EPHA6: variants seen among roughly 807,000 people sequenced by gnomAD.
EPHA6 encodes ephrin type-A receptor 6.
A neutral mutation model predicts 112.0 loss-of-function variants in EPHA6; 50 were observed. That is an observed-to-expected ratio of 0.45 (90% CI 0.36 to 0.56). EPHA6 has a LOEUF of 0.56. Ranked by LOEUF, EPHA6 falls within the 20% of genes least tolerant of loss-of-function variation. EPHA6 has a pLI of 0.00. For synonymous variants in EPHA6, 529 were observed against 490.7 expected (o/e 1.08, Z -1.03); for missense variants, 1,280 against 1,417.4 (o/e 0.90, Z 1.56).
intron 11 of EPHA6, among the ~76,000 whole-genome samples, chr3:97,543,212 G>T (rs1213047161): frequency 6.6e-6 from 1 of 152,250 alleles, no homozygotes; most frequent in East Asian, 1.9e-4. Flanking sequence ...TTCTTCTAGG[G>T]TTTTTATGGT....
At chr3:97,635,748 G>A (rs2093939355) in intron 13 of EPHA6, among the ~76,000 whole-genome samples, 1 of 151,998 alleles carries the variant, frequency 6.6e-6, no homozygotes, top group South Asian at 2.1e-4. Context: ...GTACAACTCC[G>A]TGAATAAGGT....
intron 5 of EPHA6, among the ~76,000 whole-genome samples, chr3:97,403,023 GATATA>G (rs1248883756): frequency 1.3e-5 from 2 of 152,032 alleles, no homozygotes; most frequent in Non-Finnish European, 2.9e-5. Flanking sequence ...AAATTGGAAA[GATATA>G]ATGAGTTTAT....
At chr3:97,532,260 CATT>C (rs2092703916) in intron 10 of EPHA6, 95 bp from the exon 11 acceptor site, 1 of 1,013,144 alleles carries the variant, frequency 9.9e-7, no homozygotes. Flanking sequence ...ACTTAAGAGT[CATT>C]ATGTGAAAAA....
At chr3:97,233,222 A>G (rs1200186519) in intron 4 of EPHA6, among the ~76,000 whole-genome samples, 1 of 151,838 alleles carries the variant, frequency 6.6e-6, no homozygotes, top group Non-Finnish European at 1.5e-5. Context: ...ATGTCTGCCT[A>G]GCTGCCTACT....
chr3:96,998,883 C>G (rs60564030), intron 3 of EPHA6, among the ~76,000 whole-genome samples: 26,109 of 151,720 alleles, frequency 0.17, 2,511 homozygotes, highest in Non-Finnish European at 0.22. Context: ...GCAATAATTT[C>G]CAGGTTTAGA....
intron 16 of EPHA6, among the ~76,000 whole-genome samples, chr3:97,736,805 A>G (rs1248149637): frequency 2.0e-5 from 3 of 152,036 alleles, no homozygotes; most frequent in East Asian, 1.9e-4. Flanking sequence ...ACTATCATCT[A>G]TGTCTGAAAA....
intron 10 of EPHA6, among the ~76,000 whole-genome samples, chr3:97,505,262 C>A (rs548608846): frequency 3.3e-5 from 5 of 152,228 alleles, no homozygotes; most frequent in Non-Finnish European, 7.3e-5. Context: ...CATATGTATA[C>A]ATGTGCTGTG....
At chr3:97,006,800 G>T (rs1321384827) in intron 3 of EPHA6, among the ~76,000 whole-genome samples, 1 of 152,096 alleles carries the variant, frequency 6.6e-6, no homozygotes. Flanking sequence ...ATTCTGGTAT[G>T]TCATCTCTTT....
intron 13 of EPHA6, among the ~76,000 whole-genome samples, chr3:97,626,649 G>A (rs1359753679): frequency 2.0e-5 from 3 of 151,748 alleles, no homozygotes; most frequent in African/African-American, 7.2e-5. Flanking sequence ...ATGAGGGTAA[G>A]AGAGGAAGGG....
intron 5 of EPHA6, among the ~76,000 whole-genome samples, chr3:97,253,188 C>G (rs1290913068): frequency 1.3e-5 from 2 of 152,052 alleles, no homozygotes; most frequent in Non-Finnish European, 2.9e-5. Flanking sequence ...GTACACAAGA[C>G]CTTAAAATAT....
chr3:97,570,486 C>T (rs953258012), intron 11 of EPHA6, among the ~76,000 whole-genome samples: 1 of 152,138 alleles, frequency 6.6e-6, no homozygotes, highest in African/African-American at 2.4e-5. Flanking sequence ...AATCCCAGTA[C>T]TTTGGGAGGC....
intron 14 of EPHA6, among the ~76,000 whole-genome samples, chr3:97,645,588 T>C (rs1322268748): frequency 1.3e-5 from 2 of 150,710 alleles, no homozygotes; most frequent in Admixed American, 6.6e-5. Context: ...GTGGGTGCAG[T>C]GCACCAGCAT....
intron 3 of EPHA6, among the ~76,000 whole-genome samples, chr3:97,116,749 G>A (rs1331770266): frequency 1.3e-5 from 2 of 151,448 alleles, no homozygotes; most frequent in African/African-American, 4.8e-5. Flanking sequence ...TGAACACTTG[G>A]GTTGATTCCA....
In EPHA6 at chr3:97,398,631, A is replaced by G. The variant is rs535574548; in HGVS notation, c.1607-6519A>G. On this transcript the variant is annotated intron_variant, in intron 5 of 17. Transcript: ENST00000389672. ...CAAAAATAGTACATATGGTTGCTACATAAAGAACATATCTCAAAAACTTAT... is the reference window on the plus strand; with the variant it reads ...CAAAAATAGTACATATGGTTGCTACGTAAAGAACATATCTCAAAAACTTAT... Among the ~76,000 whole-genome samples, 32 of 151,602 alleles carry G rather than the reference A, an allele frequency of 2.1e-4. 1 individual carries two copies. In the South Asian group the frequency reaches 6.2e-3, roughly 29 times the overall value.
chr3:97,417,284 A>G (rs1216172312), intron 6 of EPHA6, among the ~76,000 whole-genome samples: 5 of 152,122 alleles, frequency 3.3e-5, no homozygotes, highest in Non-Finnish European at 5.9e-5. Flanking sequence ...TTGGGAATAT[A>G]TCTGATGTAT....
At chr3:96,955,855 G>A (rs905215406) in intron 2 of EPHA6, among the ~76,000 whole-genome samples, 8 of 152,160 alleles carry the variant, frequency 5.3e-5, no homozygotes. Context: ...CAGTTGAAAA[G>A]CATTACTCAC....
At chr3:97,737,023 A>T (rs1025832349) in intron 16 of EPHA6, among the ~76,000 whole-genome samples, 2 of 151,988 alleles carry the variant, frequency 1.3e-5, no homozygotes, top group Admixed American at 1.3e-4. Flanking sequence ...GACTATTTGA[A>T]ACAGACCTCA....
chr3:97,436,984 C>A, intron 6 of EPHA6, among the ~76,000 whole-genome samples: 1 of 151,818 alleles, frequency 6.6e-6, no homozygotes, highest in East Asian at 1.9e-4. Context: ...CCCAGGACGG[C>A]TTTGACTGCA....
chr3:96,913,895 C>T (rs1446578792), intron 2 of EPHA6, among the ~76,000 whole-genome samples: 1 of 152,072 alleles, frequency 6.6e-6, no homozygotes, highest in East Asian at 1.9e-4. Flanking sequence ...CCTATCTGTG[C>T]CAAGAATTAT....
Sources: allele counts gnomAD v4.1 joint callset (sites outside exome capture counted in the v4.1 genomes callset), GRCh38; gene constraint gnomAD v4.1.1; transcripts MANE v1.5; gene names NCBI Gene and HGNC (gene_info 2026-07-23, HGNC 2026-07-21).